Variants in CDK2AP1 observed in about 807,000 individuals in gnomAD.
CDK2AP1 encodes cyclin-dependent kinase 2-associated protein 1.
CDK2AP1 carries 10 observed loss-of-function variants against 14.1 expected under a neutral mutation model. The observed-to-expected ratio is 0.71, with a 90% confidence interval of 0.44 to 1.20. The LOEUF is 1.20. Among genes scored for constraint, CDK2AP1 ranks in the 50% most tolerant of loss-of-function variants. The pLI is 0.00. For synonymous variants in CDK2AP1, 59 were observed against 59.8 expected (o/e 0.99, Z 0.06); for missense variants, 102 against 149.9 (o/e 0.68, Z 1.67).
rs764577632 is a variant in CDK2AP1, at chr12:123,265,910, G to A, written c.154-588C>T. Among the ~76,000 whole-genome samples, 1 of 152,138 alleles carries A rather than the reference G, an allele frequency of 6.6e-6. No homozygotes were observed. The highest frequency in any genetic ancestry group is 1.5e-5 in the Non-Finnish European group (1 of 68,018). On this transcript the variant is annotated intron_variant, in intron 2 of 3. Coordinates refer to ENST00000261692, the MANE Select transcript of CDK2AP1 (RefSeq NM_004642.4). This position sits in a 1 kb window ranked among gnomAD's most constrained non-coding sequence, Gnocchi z 5.3. The stretch of plus-strand genomic sequence containing the variant: ...ACACCTGGGCCACCAGGACCACAGC[G>A]ATCCGCCATGGCCCAGCCAGAGCCT...
intron 1 of CDK2AP1, chr12:123,271,054 GCA>G: frequency 2.1e-6 from 2 of 954,822 alleles, no homozygotes; most frequent in Non-Finnish European, 2.5e-6. Flanking sequence ...CCGCAGCCCC[GCA>G]GCCCCGCAGC....
chr12:123,267,301 G>A lies in CDK2AP1; in HGVS notation c.56-19C>T. Reference sequence around the variant, plus strand: ...CTCCCAGCTGTGGGGTGGGGAGAGAGAGGCCAGGAGTCAGCTCAGCCAGTT... The same window carrying A: ...CTCCCAGCTGTGGGGTGGGGAGAGAAAGGCCAGGAGTCAGCTCAGCCAGTT... On this transcript the variant is annotated intron_variant, in intron 1 of 3. Coordinates refer to ENST00000261692, the MANE Select transcript of CDK2AP1 (RefSeq NM_004642.4). 2 of 1,512,492 alleles carry A rather than the reference G, an allele frequency of 1.3e-6. No homozygotes were observed. Among genetic ancestry groups the A allele is most frequent in the Non-Finnish European group, 1.8e-6 (2 of 1,088,036 alleles). The allele number at this position is 1,512,492 out of a possible 1,614,324, so 93.7% of individuals were successfully genotyped here.
intron 1 of CDK2AP1, chr12:123,270,860 C>T: frequency 4.1e-6 from 4 of 985,326 alleles, no homozygotes; most frequent in Non-Finnish European, 4.8e-6. Context: ...CCCAGAGCTG[C>T]GCCAACTTCG....
chr12:123,263,002 T>A (rs2048248602), intron 3 of CDK2AP1, among the ~76,000 whole-genome samples: 1 of 151,320 alleles, frequency 6.6e-6, no homozygotes, highest in Admixed American at 6.6e-5. Context: ...CCACTTGAGG[T>A]CAGGAGTTTG....
chr12:123,265,403 T>C lies in CDK2AP1; in HGVS notation c.154-81A>G. On this transcript the variant is annotated intron_variant, in intron 2 of 3. Transcript: ENST00000261692. This position sits in a 1 kb window ranked among gnomAD's most constrained non-coding sequence, Gnocchi z 5.3. ...CTGTAGTCCCAGTTACTCAGGAGGCTGAGGCAGGAGAACTGCTTGGACCCA... is the reference window on the plus strand; with the variant it reads ...CTGTAGTCCCAGTTACTCAGGAGGCCGAGGCAGGAGAACTGCTTGGACCCA... 7.0e-7 allele frequency: 1 copy of C among 1,430,464 alleles called. No homozygotes were observed. Among genetic ancestry groups the C allele is most frequent in the African/African-American group, 1.4e-5 (1 of 70,988 alleles). The allele number at this position is 1,430,464 out of a possible 1,614,324, so 88.6% of individuals were successfully genotyped here.
chr12:123,266,188 C>T (rs1002223593), intron 2 of CDK2AP1, among the ~76,000 whole-genome samples: 1 of 152,244 alleles, frequency 6.6e-6, no homozygotes, highest in Non-Finnish European at 1.5e-5. Context: ...CCCCTGGCCT[C>T]GCGCTCTGTC....
chr12:123,270,873 C>T, intron 1 of CDK2AP1: 1 of 985,266 alleles, frequency 1.0e-6, no homozygotes, highest in South Asian at 4.7e-5. Context: ...CAACTTCGTT[C>T]ACTCCGCGCT....
chr12:123,267,322 C>T (rs1593297189), intron 1 of CDK2AP1, 40 bp from the exon 2 acceptor site: 1 of 1,298,508 alleles, frequency 7.7e-7, no homozygotes, highest in East Asian at 2.3e-5. Context: ...TCAGCTCAGC[C>T]AGTTGTACCA....
chr12:123,267,347 G>C (rs2048308137), intron 1 of CDK2AP1, 65 bp from the exon 2 acceptor site: 1 of 983,894 alleles, frequency 1.0e-6, no homozygotes, highest in Non-Finnish European at 1.6e-6. Flanking sequence ...AAGGACTCCG[G>C]GTCCTGCAAC....
Position 123,271,692 on chromosome 12 carries a change from G to A in CDK2AP1, c.-74C>T, listed in dbSNP as rs1440609749. On this transcript the variant is annotated 5_prime_UTR_variant, in exon 1 of 4. Transcript: ENST00000261692. Reference sequence around the variant, plus strand: ...GCGGCGGCGGCGGCGGCGAGGCCGGGCGGTAGCGCTGCAGCCCCGCGCCCG... The same window carrying A: ...GCGGCGGCGGCGGCGGCGAGGCCGGACGGTAGCGCTGCAGCCCCGCGCCCG... The A allele has an allele frequency of 3.7e-6, 2 of 536,036 alleles. No homozygotes were observed. Among genetic ancestry groups the A allele is most frequent in the Non-Finnish European group, 4.7e-6 (2 of 422,228 alleles). The allele number at this position is 536,036 out of a possible 1,614,324, so 33.2% of individuals were successfully genotyped here.
rs1303973008 is a variant in CDK2AP1 at position 123,265,257 on chromosome 12, C to T, written c.219G>A (p.Leu73=). The change falls in exon 3 of 4, where the codon CTG becomes CTA. Residue 73 remains leucine (L), a synonymous_variant. Coordinates refer to ENST00000261692, the MANE Select transcript of CDK2AP1 (RefSeq NM_004642.4). This position sits in a 1 kb window ranked among gnomAD's most constrained non-coding sequence, Gnocchi z 5.3. The stretch of plus-strand genomic sequence containing the variant: ...CGTACGTGGGTCTGATCTCCTTCCC[C>T]AGCTCTTCAATGATGGCCAGCAGCT... ...YAELLAIIEE[L]GKEIRPTYAG... 1 of 1,614,206 alleles carries T rather than the reference C, an allele frequency of 6.2e-7. No homozygotes were observed. Among genetic ancestry groups the T allele is most frequent in the South Asian group, 1.1e-5 (1 of 91,090 alleles).
chr12:123,261,735 G>T lies in CDK2AP1; in HGVS notation c.*1C>A. The T allele has an allele frequency of 6.2e-7, 1 of 1,612,370 alleles. No homozygotes were observed. On this transcript the variant is annotated 3_prime_UTR_variant, in exon 4 of 4. Coordinates refer to ENST00000261692, the MANE Select transcript of CDK2AP1 (RefSeq NM_004642.4). The stretch of plus-strand genomic sequence containing the variant: ...GAAATCCTTCAAAACCAACAAGGCA[G>T]CTAGGATCTGGCATTCCGTTCCGTT...
chr12:123,264,462 C>CAAAAAAAAAAAAAAAAAAAAAAAAAAAAA (rs1167157405), intron 3 of CDK2AP1, among the ~76,000 whole-genome samples: 5 of 69,860 alleles, frequency 7.2e-5, no homozygotes, highest in African/African-American at 1.4e-4. Flanking sequence ...CTCCGTCTCC[C>CAAAAAAAAAAAAAAAAAAAAAAAAAAAAA]AAAAAAAAAA....
At chr12:123,263,210 CAAA>C (rs1322793114) in intron 3 of CDK2AP1, among the ~76,000 whole-genome samples, 1 of 72,082 alleles carries the variant, frequency 1.4e-5, no homozygotes, top group Non-Finnish European at 2.8e-5. Flanking sequence ...GACTCTGTCT[CAAA>C]AAAAAAAAAA....
At chr12:123,266,388 C>T (rs2048293864) in intron 2 of CDK2AP1, among the ~76,000 whole-genome samples, 1 of 152,274 alleles carries the variant, frequency 6.6e-6, no homozygotes, top group Non-Finnish European at 1.5e-5. Context: ...CCCACACCTG[C>T]TTCTCCTCCT....
intron 1 of CDK2AP1, chr12:123,270,799 G>T: frequency 1.0e-6 from 1 of 980,228 alleles, no homozygotes; most frequent in Non-Finnish European, 1.2e-6. Flanking sequence ...CTCCCAGATG[G>T]GGCGTCCACG....
At chr12:123,271,097 G>T in intron 1 of CDK2AP1, 1 of 884,896 alleles carries the variant, frequency 1.1e-6, no homozygotes, top group Non-Finnish European at 1.3e-6. Flanking sequence ...CGCGGGTCCT[G>T]GCCCTGCCCG....
intron 1 of CDK2AP1, chr12:123,270,893 G>A: frequency 1.0e-6 from 1 of 985,072 alleles, no homozygotes; most frequent in Non-Finnish European, 1.2e-6. Context: ...TCACCTTACG[G>A]GGGTCCCCGC....
chr12:123,263,833 G>A (rs555752648), intron 3 of CDK2AP1, among the ~76,000 whole-genome samples: 7 of 152,178 alleles, frequency 4.6e-5, no homozygotes, highest in African/African-American at 1.4e-4. Flanking sequence ...GGCCGGGCAC[G>A]GTGGCTCAAC....
Sources: allele counts gnomAD v4.1 joint callset (sites outside exome capture counted in the v4.1 genomes callset), GRCh38; gene constraint gnomAD v4.1.1; non-coding constraint Gnocchi (gnomAD v3.1); transcripts MANE v1.5; gene names NCBI Gene and HGNC (gene_info 2026-07-23, HGNC 2026-07-21).